The following CTNNA3 variants were observed in gnomAD, a reference collection of about 807,000 sequenced individuals.
CTNNA3 encodes the protein catenin alpha 3.
Under a neutral mutation model 95.7 loss-of-function variants are expected in CTNNA3, and 76 were observed. The observed-to-expected ratio is 0.79, with a 90% confidence interval of 0.66 to 0.96. CTNNA3 has a LOEUF of 0.96. Ranked by LOEUF, CTNNA3 falls within the 40% of genes least tolerant of loss-of-function variation. CTNNA3 has a pLI of 0.00. For synonymous variants in CTNNA3, 431 were observed against 374.4 expected (o/e 1.15, Z -1.74); for missense variants, 1,191 against 1,089.8 (o/e 1.09, Z -1.31).
intron 7 of CTNNA3, among the ~76,000 whole-genome samples, chr10:66,861,513 G>A (rs1843926833): frequency 6.6e-6 from 1 of 152,110 alleles, no homozygotes; most frequent in South Asian, 2.1e-4. Context: ...TGAGCTGCTG[G>A]GTGACACTCC....
At chr10:66,262,167 T>G (rs1478491952) in intron 13 of CTNNA3, among the ~76,000 whole-genome samples, 1 of 151,994 alleles carries the variant, frequency 6.6e-6, no homozygotes, top group East Asian at 1.9e-4. Flanking sequence ...ATTAGCTACG[T>G]GGATATAGGT....
chr10:67,720,811 G>A (rs1479797053), intron 1 of CTNNA3, among the ~76,000 whole-genome samples: 9 of 152,164 alleles, frequency 5.9e-5, no homozygotes, highest in South Asian at 2.1e-4. Context: ...AAAATTAGCC[G>A]TGTGTAGTGG....
intron 7 of CTNNA3, chr10:67,098,390 T>A (rs1390190146): frequency 6.6e-6 from 1 of 152,298 alleles, no homozygotes; most frequent in Non-Finnish European, 1.5e-5. Flanking sequence ...AAATAATACA[T>A]TAACCAAAAA....
At chr10:67,080,335 T>C (rs1230682432) in intron 7 of CTNNA3, among the ~76,000 whole-genome samples, 1 of 152,188 alleles carries the variant, frequency 6.6e-6, no homozygotes, top group Non-Finnish European at 1.5e-5. Context: ...GAGAATCTGC[T>C]GTTTACAATG....
intron 5 of CTNNA3, among the ~76,000 whole-genome samples, chr10:67,225,194 C>T (rs1397232572): frequency 6.6e-6 from 1 of 152,138 alleles, no homozygotes; most frequent in Non-Finnish European, 1.5e-5. Context: ...ATCTCACTCC[C>T]ACCCCCTACA....
intron 14 of CTNNA3, among the ~76,000 whole-genome samples, chr10:66,081,800 G>A (rs1564624882): frequency 1.3e-5 from 2 of 152,190 alleles, no homozygotes; most frequent in East Asian, 3.9e-4. Context: ...ATTTGAGAAG[G>A]AACAAAATTG....
intron 13 of CTNNA3, among the ~76,000 whole-genome samples, chr10:66,238,442 A>G (rs1308622006): frequency 1.3e-5 from 2 of 151,806 alleles, no homozygotes; most frequent in Non-Finnish European, 2.9e-5. Flanking sequence ...GGTTGTCACA[A>G]AAAAAATTAT....
intron 9 of CTNNA3, among the ~76,000 whole-genome samples, chr10:66,753,662 CA>C (rs753751323): frequency 1.9e-4 from 24 of 128,166 alleles, no homozygotes; most frequent in Admixed American, 2.4e-4. Flanking sequence ...AACTCCATCT[CA>C]AAAAAAAAAG....
chr10:66,727,185 G>T (rs1848807784), intron 9 of CTNNA3, among the ~76,000 whole-genome samples: 1 of 152,152 alleles, frequency 6.6e-6, no homozygotes, highest in South Asian at 2.1e-4. Context: ...AAAGAGGAAA[G>T]TCAAGCTTCA....
At chr10:66,320,909 C>T (rs1011022968) in intron 12 of CTNNA3, among the ~76,000 whole-genome samples, 1 of 151,998 alleles carries the variant, frequency 6.6e-6, no homozygotes, top group Non-Finnish European at 1.5e-5. Flanking sequence ...GTGTTGTTAT[C>T]AACAGCTTCC....
intron 13 of CTNNA3, among the ~76,000 whole-genome samples, chr10:66,173,585 A>AGACAG (rs1433501952): frequency 6.6e-6 from 1 of 151,980 alleles, no homozygotes; most frequent in Non-Finnish European, 1.5e-5. Flanking sequence ...CAGAAAGCTG[A>AGACAG]GACAGGAGGA....
chr10:67,515,371 T>C (rs904681271), intron 5 of CTNNA3, among the ~76,000 whole-genome samples: 1 of 152,226 alleles, frequency 6.6e-6, no homozygotes, highest in South Asian at 2.1e-4. Context: ...CTTTTCTCTA[T>C]ATCAGAAAAC....
At chr10:66,912,737 C>T (rs1490296377) in intron 7 of CTNNA3, among the ~76,000 whole-genome samples, 1 of 151,908 alleles carries the variant, frequency 6.6e-6, no homozygotes, top group Non-Finnish European at 1.5e-5. Flanking sequence ...GCAGGTTGGT[C>T]TAGGCTAAAA....
chr10:67,097,263 A>G (rs1858056001), intron 7 of CTNNA3, among the ~76,000 whole-genome samples: 1 of 151,934 alleles, frequency 6.6e-6, no homozygotes. Flanking sequence ...CAGTTCTAAA[A>G]ACACAATTAT....
intron 1 of CTNNA3, among the ~76,000 whole-genome samples, chr10:67,702,123 A>C (rs1398738957): frequency 6.6e-6 from 1 of 152,186 alleles, no homozygotes; most frequent in Non-Finnish European, 1.5e-5. Flanking sequence ...CAGATTCATA[A>C]AGCAAGTCCT....
intron 10 of CTNNA3, among the ~76,000 whole-genome samples, chr10:66,557,630 A>C (rs893896412): frequency 1.3e-5 from 2 of 152,112 alleles, no homozygotes; most frequent in Admixed American, 6.6e-5. Flanking sequence ...ACAATGTCTA[A>C]GTGAAGTAAC....
chr10:66,200,115 G>GCACACATACACACA (rs1475563206), intron 13 of CTNNA3, among the ~76,000 whole-genome samples: 2 of 150,538 alleles, frequency 1.3e-5, no homozygotes, highest in African/African-American at 4.9e-5. Flanking sequence ...GCATACACAC[G>GCACACATACACACA]CACACATACA....
At chr10:66,902,830 A>G (rs1457011256) in intron 7 of CTNNA3, among the ~76,000 whole-genome samples, 1 of 152,214 alleles carries the variant, frequency 6.6e-6, no homozygotes, top group Non-Finnish European at 1.5e-5. Flanking sequence ...TAAACTAGGA[A>G]GAAGTTAAAT....
chr10:67,477,164 A>G (rs1227449883), intron 5 of CTNNA3, among the ~76,000 whole-genome samples: 1 of 151,940 alleles, frequency 6.6e-6, no homozygotes, highest in Non-Finnish European at 1.5e-5. Flanking sequence ...CTGGACTAAG[A>G]GTTTAGGCTG....
Sources: allele counts gnomAD v4.1 joint callset (sites outside exome capture counted in the v4.1 genomes callset), GRCh38; gene constraint gnomAD v4.1.1; transcripts MANE v1.5; gene names NCBI Gene and HGNC (gene_info 2026-07-23, HGNC 2026-07-21).